SMOC2: variants seen among roughly 807,000 people sequenced by gnomAD.
The protein encoded by SMOC2 is SPARC related modular calcium binding 2, also known as SPARC-related modular calcium-binding protein 2.
In SMOC2, 39 loss-of-function variants were observed where a neutral mutation model predicts 61.4. That is an observed-to-expected ratio of 0.64 (90% confidence interval 0.49 to 0.83). SMOC2 has a LOEUF of 0.83. Among genes scored for constraint, SMOC2 ranks in the 40% least tolerant of loss-of-function variants. The pLI, the probability that SMOC2 is intolerant of heterozygous loss-of-function variation, is 0.00. For synonymous variants in SMOC2, 247 were observed against 239.9 expected, an observed-to-expected ratio of 1.03 and a Z score of -0.27; for missense variants, 556 against 592.9, an observed-to-expected ratio of 0.94 and a Z score of 0.65.
intron 8 of SMOC2, among the ~76,000 whole-genome samples, chr6:168,606,203 A>T (rs1301663950): frequency 6.6e-6 from 1 of 152,164 alleles, no homozygotes; most frequent in Non-Finnish European, 1.5e-5. Context: ...ATTAGGAGAC[A>T]CCTGGCTGGG....
chr6:168,578,644 GAGA>G (rs1340525343), intron 7 of SMOC2, among the ~76,000 whole-genome samples: 1 of 152,186 alleles, frequency 6.6e-6, no homozygotes, highest in East Asian at 1.9e-4. Context: ...TCCGAGAAGA[GAGA>G]AGAATTCTAC....
At chr6:168,630,509 C>G (rs575803064) in intron 9 of SMOC2, among the ~76,000 whole-genome samples, 2 of 152,086 alleles carry the variant, frequency 1.3e-5, no homozygotes, top group Non-Finnish European at 2.9e-5. Context: ...CTCAGGACCA[C>G]GTGATAATTG....
intron 4 of SMOC2, among the ~76,000 whole-genome samples, chr6:168,541,084 A>G (rs1317686669): frequency 6.6e-6 from 1 of 152,228 alleles, no homozygotes; most frequent in Non-Finnish European, 1.5e-5. Context: ...CTTAACAGCT[A>G]TTATTCCTCC....
chr6:168,479,658 A>G (rs767150598), intron 1 of SMOC2, among the ~76,000 whole-genome samples: 11 of 152,216 alleles, frequency 7.2e-5, no homozygotes, highest in Non-Finnish European at 1.5e-4. Context: ...TGTTCCTGGA[A>G]CAGGCTGCAT....
At chr6:168,563,924 G>C (rs972835864) in intron 7 of SMOC2, among the ~76,000 whole-genome samples, 1 of 152,118 alleles carries the variant, frequency 6.6e-6, no homozygotes, top group African/African-American at 2.4e-5. Flanking sequence ...AGGGGGCGGG[G>C]GCGGGTGCTC....
At chr6:168,524,756 T>C (rs1006339075) in intron 2 of SMOC2, among the ~76,000 whole-genome samples, 3 of 152,242 alleles carry the variant, frequency 2.0e-5, no homozygotes, top group Non-Finnish European at 4.4e-5. Context: ...GGCCAGACTT[T>C]AGAATAAAGC....
intron 4 of SMOC2, among the ~76,000 whole-genome samples, chr6:168,534,845 G>A (rs13205533): frequency 0.36 from 54,342 of 152,070 alleles, 10,666 homozygotes; most frequent in Middle Eastern, 0.47. Flanking sequence ...TTTCGCTCCT[G>A]TTTTCTAATA....
chr6:168,591,896 A>G (rs756944424), intron 7 of SMOC2, among the ~76,000 whole-genome samples: 2 of 152,104 alleles, frequency 1.3e-5, no homozygotes, highest in Admixed American at 1.3e-4. Flanking sequence ...ATCATTCATT[A>G]TTACTTTTTT....
In SMOC2 at chr6:168,534,430, C is replaced by T. The variant is rs565092592; in HGVS notation, c.463+6703C>T. ...GCTTGGGAAGAGTGGGAGGTCCCTGCGTCTGCCAGGGCCCGGACTGGAAGT... is the reference window on the plus strand; with the variant it reads ...GCTTGGGAAGAGTGGGAGGTCCCTGTGTCTGCCAGGGCCCGGACTGGAAGT... On this transcript the variant is annotated intron_variant, in intron 4 of 12. Coordinates refer to ENST00000356284, the MANE Select transcript of SMOC2 (RefSeq NM_001166412.2). Among the ~76,000 whole-genome samples the T allele has an allele frequency of 7.2e-5, 11 of 152,342 alleles. No individual in the cohort carries two copies. In the South Asian group the frequency reaches 1.5e-3, roughly 20 times the overall value.
intron 7 of SMOC2, among the ~76,000 whole-genome samples, chr6:168,559,445 A>T (rs1784340026): frequency 6.6e-6 from 1 of 151,550 alleles, no homozygotes; most frequent in South Asian, 2.1e-4. Context: ...ACAGAGTGAG[A>T]CTCTGTCTCA....
At chr6:168,538,309 TGCTG>T in intron 4 of SMOC2, among the ~76,000 whole-genome samples, 1 of 121,870 alleles carries the variant, frequency 8.2e-6, no homozygotes, top group Non-Finnish European at 1.7e-5. Flanking sequence ...GGGTGACCCC[TGCTG>T]GAATGTGGGG....
intron 7 of SMOC2, among the ~76,000 whole-genome samples, chr6:168,589,892 G>A (rs112462560): frequency 4.7e-5 from 2 of 42,968 alleles, no homozygotes; most frequent in Non-Finnish European, 9.8e-5. Flanking sequence ...CATTAGTTTA[G>A]GGGGCAGCCG....
At chr6:168,659,622 G>A (rs13199877) in intron 11 of SMOC2, among the ~76,000 whole-genome samples, 7 of 77,458 alleles carry the variant, frequency 9.0e-5, no homozygotes, top group South Asian at 9.0e-4. Flanking sequence ...TGTAGGCTGA[G>A]TGAGGGTGGA....
At chr6:168,456,937 G>A (rs752888788) in intron 1 of SMOC2, among the ~76,000 whole-genome samples, 1 of 152,180 alleles carries the variant, frequency 6.6e-6, no homozygotes, top group Non-Finnish European at 1.5e-5. Context: ...GAGCTCAGGG[G>A]AAAAGCAACA....
intron 4 of SMOC2, among the ~76,000 whole-genome samples, chr6:168,529,025 T>A (rs1783520663): frequency 6.6e-6 from 1 of 152,212 alleles, no homozygotes; most frequent in Non-Finnish European, 1.5e-5. Context: ...GTTGCTTTAG[T>A]GATATCATCT....
intron 2 of SMOC2, among the ~76,000 whole-genome samples, chr6:168,519,218 A>T (rs1474463738): frequency 3.0e-4 from 28 of 94,822 alleles, no homozygotes; most frequent in Non-Finnish European, 5.3e-4. Flanking sequence ...TGCGTGTGTG[A>T]GAGAGTGTGT....
At chr6:168,467,005 C>T (rs758414477) in intron 1 of SMOC2, among the ~76,000 whole-genome samples, 3 of 152,166 alleles carry the variant, frequency 2.0e-5, no homozygotes, top group Admixed American at 6.5e-5. Context: ...TGCGGTCGGG[C>T]GAAGGGACAG....
chr6:168,633,047 A>G (rs1033026910), intron 9 of SMOC2, among the ~76,000 whole-genome samples: 8 of 152,112 alleles, frequency 5.3e-5, no homozygotes, highest in Non-Finnish European at 1.2e-4. Flanking sequence ...CTCTCTGTCA[A>G]GTGTTGATGA....
At chr6:168,550,536 G>A (rs370389014) in intron 7 of SMOC2, among the ~76,000 whole-genome samples, 22 of 152,186 alleles carry the variant, frequency 1.4e-4, no homozygotes, top group South Asian at 8.3e-4. Flanking sequence ...AAGCTAGCGC[G>A]GTGCAATGCC....
Sources: allele counts gnomAD v4.1 joint callset (sites outside exome capture counted in the v4.1 genomes callset), GRCh38; gene constraint gnomAD v4.1.1; transcripts MANE v1.5; gene names NCBI Gene and HGNC (gene_info 2026-07-23, HGNC 2026-07-21).